The following SORCS3 variants were observed in gnomAD, a reference collection of about 807,000 sequenced individuals.
SORCS3 encodes sortilin related VPS10 domain containing receptor 3.
Under a neutral mutation model 146.3 loss-of-function variants are expected in SORCS3, and 57 were observed. The observed-to-expected ratio is 0.39, with a 90% CI of 0.31 to 0.49. SORCS3 has a LOEUF of 0.49. Ranked by LOEUF, SORCS3 falls within the 20% of genes least tolerant of loss-of-function variation. The pLI is 0.92. For synonymous variants in SORCS3, 653 were observed against 618.5 expected, an observed-to-expected ratio of 1.06 and a Z score of -0.83; for missense variants, 1,341 against 1,575.5, an observed-to-expected ratio of 0.85 and a Z score of 2.52.
intron 5 of SORCS3, among the ~76,000 whole-genome samples, chr10:105,078,745 T>G (rs1262135047): frequency 6.6e-6 from 1 of 152,156 alleles, no homozygotes; most frequent in Non-Finnish European, 1.5e-5. Flanking sequence ...TTAGTTCTCA[T>G]AAAAACAATG....
At position 105,264,025 on chromosome 10, in the gene SORCS3, AC is replaced by A; in HGVS notation, c.*653del. The A allele has an allele frequency of 6.6e-6, 1 of 152,448 alleles. No homozygotes were observed. Among genetic ancestry groups the A allele is most frequent in the East Asian group, 1.9e-4 (1 of 5,184 alleles). 9.4% of individuals were successfully genotyped at this position (152,448 alleles called of 1,614,324 possible). A position where few individuals can be genotyped will look rare whatever the true frequency, so the allele number is the denominator to read the frequency against. On this transcript the variant is annotated 3_prime_UTR_variant, in exon 27 of 27. Transcript: ENST00000369701. ...GCTTACGCACTGGCCCTCAGAGCTG[AC>A]CAACCCGCCAGGCCTGCTCAATGCA...
intron 14 of SORCS3, among the ~76,000 whole-genome samples, chr10:105,192,388 G>A (rs1237879058): frequency 6.6e-6 from 1 of 152,046 alleles, no homozygotes; most frequent in Admixed American, 6.6e-5. Context: ...TGCGTCTCTT[G>A]ATGCAGAGGC....
At chr10:104,966,149 C>T (rs568972085) in intron 3 of SORCS3, among the ~76,000 whole-genome samples, 72 of 151,826 alleles carry the variant, frequency 4.7e-4, no homozygotes, top group South Asian at 3.1e-3. Flanking sequence ...CACTAGATAC[C>T]GGAACTCTCT....
intron 1 of SORCS3, among the ~76,000 whole-genome samples, chr10:104,826,975 A>T (rs945525463): frequency 2.0e-5 from 3 of 152,126 alleles, no homozygotes; most frequent in Admixed American, 2.0e-4. Context: ...TTCTTTTCTC[A>T]TCTGTTTAAG....
intron 7 of SORCS3, among the ~76,000 whole-genome samples, chr10:105,106,823 G>C (rs1025702390): frequency 1.3e-5 from 2 of 152,056 alleles, no homozygotes; most frequent in Non-Finnish European, 2.9e-5. Context: ...TCTAAGTCTT[G>C]GCAGGCCAAC....
At position 105,246,344 on chromosome 10, in the gene SORCS3, A is replaced by G. The variant is rs146118447; in HGVS notation, c.2992+679A>G. Among the ~76,000 whole-genome samples, 1,206 of 151,846 alleles carry G rather than the reference A, an allele frequency of 7.9e-3. 20 individuals carry two copies. The highest frequency in any genetic ancestry group is 0.028 in the African/African-American group (1,150 of 41,394). On this transcript the variant is annotated intron_variant, in intron 21 of 26. Transcript: ENST00000369701. ...TTTCTTTTTTTTTAGATTTTTCATT[A>G]CTAGTTTGATTTCTTTAATGGTAAT... is the stretch of plus-strand genomic sequence containing the variant.
intron 6 of SORCS3, among the ~76,000 whole-genome samples, chr10:105,095,979 T>A (rs1425145919): frequency 6.6e-6 from 1 of 152,194 alleles, no homozygotes; most frequent in East Asian, 1.9e-4. Flanking sequence ...CAAATATTAA[T>A]ATAGAAATTT....
At chr10:104,979,655 G>A (rs2054921614) in intron 4 of SORCS3, among the ~76,000 whole-genome samples, 1 of 151,968 alleles carries the variant, frequency 6.6e-6, no homozygotes, top group Non-Finnish European at 1.5e-5. Flanking sequence ...CGTTAACCAA[G>A]CCTCATGGTG....
chr10:105,241,445 G>A (rs376934610), intron 20 of SORCS3, among the ~76,000 whole-genome samples: 49 of 152,326 alleles, frequency 3.2e-4, no homozygotes, highest in African/African-American at 9.1e-4. Flanking sequence ...TACCATCTGC[G>A]GACAGTGGCA....
chr10:105,097,967 G>A (rs791118), intron 6 of SORCS3, among the ~76,000 whole-genome samples: 106 of 152,072 alleles, frequency 7.0e-4, no homozygotes, highest in African/African-American at 2.2e-3. Flanking sequence ...TCATCATCCC[G>A]CATTAAGCAA....
intron 3 of SORCS3, among the ~76,000 whole-genome samples, chr10:104,968,863 G>A (rs1171666700): frequency 6.6e-6 from 1 of 152,160 alleles, no homozygotes; most frequent in African/African-American, 2.4e-5. Context: ...TGGGCACAAT[G>A]TTTTTTAAAA....
rs1284258292 is a variant in SORCS3, at chr10:104,641,300, C to G, written c.-28C>G. 7.9e-7 allele frequency: 1 copy of G among 1,269,368 alleles called. No individual in the cohort carries two copies. Among genetic ancestry groups the G allele is most frequent in the Non-Finnish European group, 9.9e-7 (1 of 1,010,870 alleles). 78.6% of individuals were successfully genotyped at this position (1,269,368 alleles called of 1,614,324 possible). A position where few individuals can be genotyped will look rare whatever the true frequency, so the allele number is the denominator to read the frequency against. ...ACCTCGGCGGGCGCCACACACTCGGCAGCCCGAGCCGCGGTAGCCGCAGCG... is the reference window on the plus strand; with the variant it reads ...ACCTCGGCGGGCGCCACACACTCGGGAGCCCGAGCCGCGGTAGCCGCAGCG... On this transcript the variant is annotated 5_prime_UTR_variant, in exon 1 of 27. Transcript: ENST00000369701. The surrounding 1 kb of genome is among the most constrained non-coding windows in gnomAD (Gnocchi z 6.4).
intron 3 of SORCS3, among the ~76,000 whole-genome samples, chr10:104,956,365 T>C (rs183514902): frequency 6.6e-6 from 1 of 152,338 alleles, no homozygotes; most frequent in African/African-American, 2.4e-5. Context: ...ATTGTTGTTT[T>C]TACTTCATAC....
chr10:105,021,740 C>T (rs1192757610), intron 4 of SORCS3, among the ~76,000 whole-genome samples: 1 of 152,144 alleles, frequency 6.6e-6, no homozygotes, highest in Non-Finnish European at 1.5e-5. Context: ...CATCTGTTTT[C>T]TCATGGTGTC....
intron 2 of SORCS3, among the ~76,000 whole-genome samples, chr10:104,881,126 C>A (rs986565074): frequency 6.6e-6 from 1 of 152,164 alleles, no homozygotes; most frequent in Non-Finnish European, 1.5e-5. Flanking sequence ...ATATTTAATG[C>A]AGATTTAAAA....
At chr10:104,930,214 T>C (rs562299657) in intron 3 of SORCS3, among the ~76,000 whole-genome samples, 4 of 152,326 alleles carry the variant, frequency 2.6e-5, no homozygotes, top group Admixed American at 2.6e-4. Context: ...GTAAATACTG[T>C]TATTCTTAAT....
chr10:104,999,463 G>T (rs993523581), intron 4 of SORCS3, among the ~76,000 whole-genome samples: 8 of 152,170 alleles, frequency 5.3e-5, no homozygotes, highest in African/African-American at 1.4e-4. Flanking sequence ...CTAAATTTCT[G>T]CCTGTTGGAA....
intron 4 of SORCS3, among the ~76,000 whole-genome samples, chr10:104,995,673 G>A (rs2055022773): frequency 6.6e-6 from 1 of 152,002 alleles, no homozygotes; most frequent in Admixed American, 6.6e-5. Context: ...TTTTTCAAAT[G>A]CGTGATTTAC....
intron 9 of SORCS3, among the ~76,000 whole-genome samples, chr10:105,149,561 G>T (rs570189816): frequency 3.9e-5 from 6 of 152,130 alleles, no homozygotes; most frequent in Non-Finnish European, 8.8e-5. Context: ...GTCACATCTT[G>T]TTTGAGGGTT....
Sources: gnomAD v4.1 joint callset for allele counts (sites outside exome capture counted in the v4.1 genomes callset) on GRCh38, gnomAD v4.1.1 for gene constraint, Gnocchi (gnomAD v3.1) non-coding constraint, MANE v1.5 for transcripts, NCBI Gene and HGNC (gene_info 2026-07-23, HGNC 2026-07-21) for gene names.